The following DMXL1 variants were observed in gnomAD, a reference collection of about 807,000 sequenced individuals.
The protein encoded by DMXL1 is Dmx like 1, also known as dmX-like protein 1.
DMXL1 carries 99 observed loss-of-function variants against 319.2 expected under a neutral mutation model. The ratio of observed to expected loss-of-function variants is 0.31; its 90% confidence interval spans 0.26 to 0.37. The LOEUF is 0.37. Among genes scored for constraint, DMXL1 ranks in the 10% least tolerant of loss-of-function variants. DMXL1 has a pLI of 1.00. For synonymous variants in DMXL1, 1,385 were observed against 1,235.2 expected (o/e 1.12, Z -2.54); for missense variants, 3,745 against 3,595.6 (o/e 1.04, Z -1.06).
chr5:119,092,057 C>T (rs989953666), intron 1 of DMXL1, among the ~76,000 whole-genome samples: 3 of 152,002 alleles, frequency 2.0e-5, no homozygotes, highest in Admixed American at 2.0e-4. Flanking sequence ...AGTGTAGAAA[C>T]AATGTTTGGG....
At chr5:119,109,851 A>G (rs1759181115) in intron 4 of DMXL1, among the ~76,000 whole-genome samples, 1 of 152,228 alleles carries the variant, frequency 6.6e-6, no homozygotes, top group South Asian at 2.1e-4. Flanking sequence ...TTCTGCTGAA[A>G]TATGAACTCA....
At chr5:119,116,378 T>G in intron 7 of DMXL1, 42 bp downstream of exon 7, 1 of 1,571,502 alleles carries the variant, frequency 6.4e-7, no homozygotes, top group Non-Finnish European at 8.7e-7. Flanking sequence ...TAAGGGAGCA[T>G]CATCTTTGTT....
chr5:119,089,292 ATTTTTTTTTTTTTT>A (rs1157921856), intron 1 of DMXL1, among the ~76,000 whole-genome samples: 15 of 39,882 alleles, frequency 3.8e-4, no homozygotes, highest in African/African-American at 7.5e-4. Flanking sequence ...ATATATATAT[ATTTTTTTTTTTTTT>A]TTTTTTTTTT....
At position 119,164,688 on chromosome 5, in the gene DMXL1, AT is replaced by A; in HGVS notation, c.4872+16del. On this transcript the variant is annotated intron_variant, in intron 20 of 43. Transcript: ENST00000539542. ...AATGCATAGAAAAAGTAAGTGTTTT[AT>A]TTTGGTGTATAAGTGAATTAATATT... The A allele has an allele frequency of 6.3e-7, 1 of 1,585,968 alleles. No homozygotes were observed. Among genetic ancestry groups the A allele is most frequent in the Non-Finnish European group, 8.6e-7 (1 of 1,161,100 alleles).
intron 31 of DMXL1, among the ~76,000 whole-genome samples, chr5:119,196,800 A>G (rs1779722329): frequency 6.6e-6 from 1 of 152,192 alleles, no homozygotes. Context: ...GGAGGAAAAG[A>G]TTGTACAGGA....
chr5:119,148,671 G>GT, intron 17 of DMXL1, 68 bp from the exon 18 acceptor site: 8 of 1,469,428 alleles, frequency 5.4e-6, no homozygotes, highest in Non-Finnish European at 9.2e-7. Context: ...GACTAAAATC[G>GT]TAAGTACATA....
chr5:119,137,815 T>G (rs1186742069), intron 13 of DMXL1, among the ~76,000 whole-genome samples: 4 of 152,324 alleles, frequency 2.6e-5, no homozygotes, highest in East Asian at 1.9e-4. Context: ...CTCAGGTATT[T>G]ATTTATAGCA....
At position 119,171,179 on chromosome 5, in the gene DMXL1, T is replaced by C. The variant is rs758462980; in HGVS notation, c.6388T>C (p.Leu2130=). 11 of 1,613,864 alleles carry C rather than the reference T, an allele frequency of 6.8e-6. No individual in the cohort carries two copies. The East Asian group carries it at 1.6e-4, about 23-fold the overall frequency. Reference sequence around the variant, plus strand: ...GTGGCTCTTGAAGTATCAGTCACTTTTGAGAATGTTTCTTAGTTACTGCAT... The same window carrying C: ...GTGGCTCTTGAAGTATCAGTCACTTCTGAGAATGTTTCTTAGTTACTGCAT... ...RQWLLKYQSL[L]RMFLSYCILH... is the part of the protein sequence containing the mutation. The change falls in exon 24 of 44, where the codon TTG becomes CTG. Residue 2130 remains leucine, a synonymous_variant. Coordinates refer to ENST00000539542, the MANE Select transcript of DMXL1 (RefSeq NM_001290321.3).
At chr5:119,196,517 T>TG (rs1561850547) in intron 31 of DMXL1, 61 bp downstream of exon 31, 20 of 607,546 alleles carry the variant, frequency 3.3e-5, no homozygotes, top group East Asian at 3.0e-4. Context: ...ACTCTGTTGT[T>TG]TTTTTTTTTT....
intron 33 of DMXL1, 44 bp from the exon 34 acceptor site, chr5:119,206,785 TACATC>T: frequency 8.6e-7 from 1 of 1,160,564 alleles, no homozygotes. Context: ...TTTTGCATGT[TACATC>T]TCATCTTTAC....
chr5:119,241,321 G>T (rs987101061), intron 42 of DMXL1, among the ~76,000 whole-genome samples: 1 of 152,038 alleles, frequency 6.6e-6, no homozygotes, highest in Non-Finnish European at 1.5e-5. Flanking sequence ...CACGAGGTCA[G>T]GAGATCTAGA....
intron 4 of DMXL1, among the ~76,000 whole-genome samples, chr5:119,109,534 G>A (rs565101979): frequency 7.9e-5 from 12 of 152,248 alleles, no homozygotes; most frequent in South Asian, 4.1e-4. Flanking sequence ...CATTTTTTCC[G>A]TAGTAATTTT....
intron 26 of DMXL1, among the ~76,000 whole-genome samples, chr5:119,175,725 A>ATAG: frequency 6.6e-6 from 1 of 152,178 alleles, no homozygotes; most frequent in African/African-American, 2.4e-5. Context: ...AAGACAGTAG[A>ATAG]TAGTAAAAGG....
rs775890606 is a variant in DMXL1, at chr5:119,146,893, C to G, written c.2626C>G (p.Gln876Glu). 5.6e-6 allele frequency: 9 copies of G among 1,611,568 alleles called. No individual in the cohort carries two copies. The South Asian group carries it at 8.8e-5, about 16-fold the overall frequency. Reference sequence around the variant, plus strand: ...CTACCTAATTGTAATAGAATGCACTCAAGACAACCGTTCACTGTTACACAT... The same window carrying G: ...CTACCTAATTGTAATAGAATGCACTGAAGACAACCGTTCACTGTTACACAT... ...KFYLIVIECT[Q>E]DNRSLLHMWN... The change falls in exon 16 of 44, where the codon CAA becomes GAA. Residue 876 changes from glutamine to glutamate, a missense_variant. Gln to Glu is a conservative substitution (Grantham distance 29). Coordinates refer to ENST00000539542, the MANE Select transcript of DMXL1 (RefSeq NM_001290321.3).
intron 1 of DMXL1, among the ~76,000 whole-genome samples, chr5:119,073,469 A>G (rs1228268348): frequency 6.6e-6 from 1 of 152,202 alleles, no homozygotes; most frequent in African/African-American, 2.4e-5. Flanking sequence ...GCATTCCTCT[A>G]TAAAACCTTG....
rs138881351 is a variant in DMXL1, at chr5:119,176,248, T to C, written c.6758+911T>C. Among the ~76,000 whole-genome samples the C allele has an allele frequency of 3.4e-3, 514 of 152,216 alleles. 3 individuals are homozygous for C. Among genetic ancestry groups the C allele is most frequent in the African/African-American group, 0.012 (505 of 41,582 alleles). ...AAATTATTTTGAGTATGGAGTACTTTACTGATAAGTTGGGTTTCTCAGGTG... is the reference window on the plus strand; with the variant it reads ...AAATTATTTTGAGTATGGAGTACTTCACTGATAAGTTGGGTTTCTCAGGTG... On this transcript the variant is annotated intron_variant, in intron 26 of 43. Coordinates refer to ENST00000539542, the MANE Select transcript of DMXL1 (RefSeq NM_001290321.3).
intron 9 of DMXL1, among the ~76,000 whole-genome samples, chr5:119,126,504 C>G (rs1348649915): frequency 1.3e-5 from 2 of 152,002 alleles, no homozygotes. Flanking sequence ...TTGGGGATAT[C>G]TATTCAATAA....
intron 1 of DMXL1, among the ~76,000 whole-genome samples, chr5:119,087,002 A>C (rs527325713): frequency 1.3e-5 from 2 of 152,078 alleles, no homozygotes; most frequent in Non-Finnish European, 2.9e-5. Context: ...ATGGTTGTTC[A>C]TAAGGATTCT....
At chr5:119,246,599 C>T (rs1789817334) in intron 43 of DMXL1, among the ~76,000 whole-genome samples, 1 of 150,326 alleles carries the variant, frequency 6.7e-6, no homozygotes, top group African/African-American at 2.4e-5. Context: ...GAATGCAGGC[C>T]TAAAATTTTT....
Sources: gnomAD v4.1 joint callset for allele counts (sites outside exome capture counted in the v4.1 genomes callset) on GRCh38, gnomAD v4.1.1 for gene constraint, MANE v1.5 for transcripts, NCBI Gene and HGNC (gene_info 2026-07-23, HGNC 2026-07-21) for gene names.